XKR9: variants seen among roughly 807,000 people sequenced by gnomAD.
XKR9 encodes XK related 9.
Under a neutral mutation model 32.0 loss-of-function variants are expected in XKR9, and 32 were observed. The ratio of observed to expected loss-of-function variants is 1.00; its 90% CI spans 0.76 to 1.34. The LOEUF (loss-of-function observed/expected upper bound fraction) is 1.34. Among genes scored for constraint, XKR9 ranks in the 40% most tolerant of loss-of-function variants. XKR9 has a pLI of 0.00. For missense variants in XKR9, 546 were observed against 429.7 expected (o/e 1.27, Z -2.39); for synonymous variants, 168 against 143.4 (o/e 1.17, Z -1.22).
At chr8:70,794,581 T>G (rs1247058055), downstream of XKR9, among the ~76,000 whole-genome samples, 1 of 152,096 alleles carries the variant, frequency 6.6e-6, no homozygotes, top group Non-Finnish European at 1.5e-5. Context: ...TTTCAAATGA[T>G]TTTTCTTTGT....
chr8:70,939,386 G>A, the XKR9 span, among the ~76,000 whole-genome samples: 1 of 152,008 alleles, frequency 6.6e-6, no homozygotes, highest in Non-Finnish European at 1.5e-5. Flanking sequence ...GAGTAGCAAT[G>A]TTTTCTTTGT....
At chr8:70,732,301 A>G (rs35569154) in intron 4 of XKR9, among the ~76,000 whole-genome samples, 19,796 of 152,280 alleles carry the variant, frequency 0.13, 1,694 homozygotes, top group African/African-American at 0.24. Context: ...ACACTCTGCC[A>G]TGGAGCTACA....
the XKR9 span, among the ~76,000 whole-genome samples, chr8:70,825,631 G>T: frequency 6.6e-6 from 1 of 152,052 alleles, no homozygotes; most frequent in Non-Finnish European, 1.5e-5. Flanking sequence ...GTTATTTCAT[G>T]GGACCACCCT....
the XKR9 span, among the ~76,000 whole-genome samples, chr8:70,945,052 C>T: frequency 1.1e-4 from 16 of 152,270 alleles, no homozygotes; most frequent in East Asian, 7.7e-4. Context: ...GAACTGGGTA[C>T]AGATTATTTT....
At chr8:71,020,770 G>A in the XKR9 span, among the ~76,000 whole-genome samples, 1 of 152,154 alleles carries the variant, frequency 6.6e-6, no homozygotes, top group Non-Finnish European at 1.5e-5. Context: ...AACATTTCAA[G>A]TCTTCCCTTC....
At chr8:70,957,459 A>G in the XKR9 span, among the ~76,000 whole-genome samples, 10 of 152,154 alleles carry the variant, frequency 6.6e-5, no homozygotes, top group Non-Finnish European at 1.3e-4. Flanking sequence ...CATGGTGATT[A>G]GCTGCACAGA....
intron 3 of XKR9, among the ~76,000 whole-genome samples, chr8:70,682,477 T>C (rs1386305444): frequency 2.0e-5 from 3 of 152,182 alleles, no homozygotes; most frequent in African/African-American, 4.8e-5. Context: ...TTATAAATTA[T>C]AAATTGTATT....
Position 70,748,350 on chromosome 8 carries a change from C to A in XKR9, n.353-40989C>A, listed in dbSNP as rs555326607. ...GGGGCCCAGGAAGCCCCCTTCCCCC[C>A]ACAGGCTTGGAAGTGTCTGCTCCTG... On this transcript the variant is annotated intron_variant and non_coding_transcript_variant, in intron 2 of 3. Coordinates refer to the XKR9 transcript ENST00000520273. Among the ~76,000 whole-genome samples the A allele has an allele frequency of 3.8e-3, 575 of 152,376 alleles. 4 individuals carry two copies. Among genetic ancestry groups the A allele is most frequent in the Non-Finnish European group, 6.9e-3 (467 of 68,038 alleles).
chr8:70,717,899 C>T (rs1806145062), intron 4 of XKR9, among the ~76,000 whole-genome samples: 1 of 152,016 alleles, frequency 6.6e-6, no homozygotes. Context: ...CACCAGATAC[C>T]CTAAATCATC....
the XKR9 span, among the ~76,000 whole-genome samples, chr8:70,977,141 A>C: frequency 6.6e-5 from 10 of 151,654 alleles, no homozygotes; most frequent in East Asian, 1.4e-3. Flanking sequence ...GCAGTCTATC[A>C]ATTTTGTTCT....
chr8:71,052,465 C>A, the XKR9 span, among the ~76,000 whole-genome samples: 68 of 152,108 alleles, frequency 4.5e-4, no homozygotes, highest in Non-Finnish European at 1.6e-4. Context: ...CTTCACAGCA[C>A]CCCCAGGAGG....
chr8:70,761,680 C>A (rs768927420), intron 2 of XKR9, among the ~76,000 whole-genome samples: 1 of 151,816 alleles, frequency 6.6e-6, no homozygotes, highest in Non-Finnish European at 1.5e-5. Flanking sequence ...TTTTTCTGTG[C>A]AGAAGCTCTT....
the XKR9 span, among the ~76,000 whole-genome samples, chr8:70,816,068 C>G: frequency 6.6e-6 from 1 of 151,828 alleles, no homozygotes; most frequent in East Asian, 1.9e-4. Context: ...TGCAATGAGC[C>G]GAGCTTGTGC....
chr8:70,804,222 C>T, the XKR9 span, among the ~76,000 whole-genome samples: 3 of 152,204 alleles, frequency 2.0e-5, no homozygotes, highest in Non-Finnish European at 4.4e-5. Flanking sequence ...TGTCTGGCTG[C>T]AAGTGGTGGG....
chr8:70,866,527 G>A, the XKR9 span, among the ~76,000 whole-genome samples: 75 of 152,130 alleles, frequency 4.9e-4, no homozygotes, highest in Non-Finnish European at 9.0e-4. Context: ...GAGTTTGAGA[G>A]CACAGTCTAT....
At chr8:70,774,197 C>G (rs1239740658) in intron 2 of XKR9, among the ~76,000 whole-genome samples, 1 of 152,198 alleles carries the variant, frequency 6.6e-6, no homozygotes, top group African/African-American at 2.4e-5. Context: ...TCAACCGATA[C>G]TTTCATGATT....
intron 2 of XKR9, among the ~76,000 whole-genome samples, chr8:70,777,564 C>T (rs1370435940): frequency 6.6e-6 from 1 of 152,126 alleles, no homozygotes; most frequent in African/African-American, 2.4e-5. Context: ...CTAATTTACA[C>T]TCCCACCAAC....
At chr8:71,024,929 C>T in the XKR9 span, among the ~76,000 whole-genome samples, 2 of 152,196 alleles carry the variant, frequency 1.3e-5, no homozygotes, top group African/African-American at 2.4e-5. Context: ...GAGACAGAGT[C>T]CAGTGCCTCT....
the XKR9 span, among the ~76,000 whole-genome samples, chr8:71,029,985 G>A: frequency 4.9e-3 from 750 of 151,662 alleles, 10 homozygotes; most frequent in African/African-American, 0.017. Flanking sequence ...AATAGGCTAC[G>A]ATTAACTCTT....
Sources: allele counts gnomAD v4.1 joint callset (sites outside exome capture counted in the v4.1 genomes callset), GRCh38; gene constraint gnomAD v4.1.1; transcripts MANE v1.5; gene names NCBI Gene and HGNC (gene_info 2026-07-23, HGNC 2026-07-21).